GABRG3: variants seen among roughly 807,000 people sequenced by gnomAD.
The protein encoded by GABRG3 is gamma-aminobutyric acid type A receptor subunit gamma3.
A neutral mutation model predicts 48.8 loss-of-function variants in GABRG3; 25 were observed. The observed-to-expected ratio is 0.51, with a 90% confidence interval of 0.37 to 0.72. GABRG3 has a LOEUF of 0.72. GABRG3 is among the 30% of genes least tolerant of loss of function. The pLI, the probability that GABRG3 is intolerant of heterozygous loss-of-function variation, is 0.00. For synonymous variants in GABRG3, 227 were observed against 217.6 expected (o/e 1.04, Z -0.38); for missense variants, 394 against 577.9 (o/e 0.68, Z 3.26).
intron 3 of GABRG3, among the ~76,000 whole-genome samples, chr15:27,055,262 C>A (rs964784137): frequency 6.6e-6 from 1 of 152,052 alleles, no homozygotes; most frequent in African/African-American, 2.4e-5. Flanking sequence ...GCTTTCACCC[C>A]GTAACATCTT....
intron 3 of GABRG3, among the ~76,000 whole-genome samples, chr15:27,057,523 GC>G (rs993012122): frequency 3.9e-5 from 6 of 152,124 alleles, no homozygotes; most frequent in African/African-American, 1.4e-4. Context: ...AGTTTCCTGT[GC>G]CTTATACATC....
intron 7 of GABRG3, among the ~76,000 whole-genome samples, chr15:27,521,993 TG>T (rs1891170601): frequency 1.3e-5 from 2 of 152,114 alleles, no homozygotes; most frequent in African/African-American, 4.8e-5. Flanking sequence ...TTCCAATGTT[TG>T]GTGAAAAACA....
chr15:27,508,353 C>T (rs571535131), intron 6 of GABRG3, among the ~76,000 whole-genome samples: 4 of 152,204 alleles, frequency 2.6e-5, no homozygotes, highest in Admixed American at 2.6e-4. Context: ...AGTTGACCTC[C>T]AAATAGTATT....
At chr15:27,507,845 G>A (rs1397514308) in intron 6 of GABRG3, among the ~76,000 whole-genome samples, 3 of 152,060 alleles carry the variant, frequency 2.0e-5, no homozygotes, top group Non-Finnish European at 4.4e-5. Flanking sequence ...AATCTCTGTT[G>A]ATAAGTACAT....
intron 3 of GABRG3, chr15:27,294,803 T>C (rs1891924649): frequency 6.6e-6 from 1 of 152,214 alleles, no homozygotes; most frequent in African/African-American, 2.4e-5. Context: ...CTGTTGTCTG[T>C]AGAATCTTTC....
intron 3 of GABRG3, among the ~76,000 whole-genome samples, chr15:27,030,646 C>T (rs1475227920): frequency 6.6e-6 from 1 of 151,786 alleles, no homozygotes; most frequent in African/African-American, 2.4e-5. Context: ...TTGAGAATAT[C>T]CACTTCAAGC....
At chr15:27,007,727 C>T (rs1895613516) in intron 2 of GABRG3, among the ~76,000 whole-genome samples, 1 of 152,086 alleles carries the variant, frequency 6.6e-6, no homozygotes, top group African/African-American at 2.4e-5. Flanking sequence ...GTGTTTGTTT[C>T]ATGTCCTTTA....
chr15:27,209,347 TTTCCTTCC>T (rs199748762), intron 3 of GABRG3, among the ~76,000 whole-genome samples: 14 of 151,418 alleles, frequency 9.2e-5, no homozygotes, highest in South Asian at 2.1e-4. Flanking sequence ...TCTTTCTTTC[TTTCCTTCC>T]TTCCTTCCTT....
chr15:27,045,806 A>C (rs1896352766), intron 3 of GABRG3, among the ~76,000 whole-genome samples: 1 of 152,342 alleles, frequency 6.6e-6, no homozygotes, highest in Non-Finnish European at 1.5e-5. Flanking sequence ...GCCCGTGCCC[A>C]GGTCTTTCCT....
At chr15:27,056,370 A>AG (rs1566922499) in intron 3 of GABRG3, among the ~76,000 whole-genome samples, 1 of 148,692 alleles carries the variant, frequency 6.7e-6, no homozygotes, top group African/African-American at 2.5e-5. Context: ...AAAAAAAAAA[A>AG]AAAGAAAAGA....
chr15:27,240,808 G>A (rs760813512), intron 3 of GABRG3, among the ~76,000 whole-genome samples: 5 of 152,132 alleles, frequency 3.3e-5, no homozygotes, highest in Non-Finnish European at 5.9e-5. Context: ...TGTGTGAAAT[G>A]CAGGTTTCAA....
chr15:27,526,829 A>G, intron 7 of GABRG3, among the ~76,000 whole-genome samples: 1 of 152,210 alleles, frequency 6.6e-6, no homozygotes, highest in Non-Finnish European at 1.5e-5. Context: ...GGACAAGCAA[A>G]CAAAGACAAG....
chr15:27,348,540 A>G (rs990909052), intron 5 of GABRG3, among the ~76,000 whole-genome samples: 7 of 152,294 alleles, frequency 4.6e-5, no homozygotes, highest in African/African-American at 1.4e-4. Context: ...AACTTGTTCA[A>G]GGTTATGTGA....
intron 7 of GABRG3, among the ~76,000 whole-genome samples, chr15:27,524,255 C>G (rs561664697): frequency 2.4e-4 from 36 of 152,108 alleles, no homozygotes; most frequent in African/African-American, 8.4e-4. Flanking sequence ...AAATAATAGT[C>G]AACCCAGAAT....
intron 5 of GABRG3, chr15:27,366,070 G>A (rs1595707366): frequency 6.6e-6 from 1 of 152,300 alleles, no homozygotes; most frequent in East Asian, 1.9e-4. Flanking sequence ...ACATGAAGTG[G>A]TCTCCTTTCC....
At chr15:27,369,806 CAAAAAAAAAAAAA>C (rs34901488) in intron 5 of GABRG3, among the ~76,000 whole-genome samples, 12 of 30,270 alleles carry the variant, frequency 4.0e-4, no homozygotes, top group Non-Finnish European at 6.9e-4. Flanking sequence ...GACTCCGTCT[CAAAAAAAAAAAAA>C]AAAAAAAAAA....
intron 3 of GABRG3, among the ~76,000 whole-genome samples, chr15:27,217,233 C>T (rs1973063): frequency 1.1e-4 from 16 of 152,196 alleles, no homozygotes; most frequent in East Asian, 5.8e-4. Context: ...ATGTTTATTG[C>T]GGCACTATTC....
chr15:27,157,690 G>A lies in GABRG3; in HGVS notation c.270+130869G>A, dbSNP rs994956453. 3 of 152,166 alleles carry A rather than the reference G, an allele frequency of 2.0e-5. No homozygotes were observed. The East Asian group carries it at 5.8e-4, about 29-fold the overall frequency. The allele number at this position is 152,166 out of a possible 1,614,324, so 9.4% of individuals were successfully genotyped here. On this transcript the variant is annotated intron_variant, in intron 3 of 9. Transcript: ENST00000615808. ...TACACTGAGGGTAATAATATAACCT[G>A]CCTTAGCGATAGTTCTTACGCAGAC...
At chr15:27,198,912 G>A (rs1280602450) in intron 3 of GABRG3, among the ~76,000 whole-genome samples, 1 of 151,970 alleles carries the variant, frequency 6.6e-6, no homozygotes, top group Non-Finnish European at 1.5e-5. Context: ...ACTAAACATC[G>A]CATGTTCTCA....
Sources: allele counts gnomAD v4.1 joint callset (sites outside exome capture counted in the v4.1 genomes callset), GRCh38; gene constraint gnomAD v4.1.1; transcripts MANE v1.5; gene names NCBI Gene and HGNC (gene_info 2026-07-23, HGNC 2026-07-21).